HDAC9: variants seen among roughly 807,000 people sequenced by gnomAD.
The protein encoded by HDAC9 is MEF-2 interacting transcription repressor (MITR) protein.
In HDAC9, 41 loss-of-function variants were observed where a neutral mutation model predicts 139.4. The ratio of observed to expected loss-of-function variants is 0.29; its 90% CI spans 0.23 to 0.38. The LOEUF (loss-of-function observed/expected upper bound fraction) is 0.38. HDAC9 is among the 10% of genes least tolerant of loss of function. The pLI, the probability that HDAC9 is intolerant of heterozygous loss-of-function variation, is 1.00. For synonymous variants in HDAC9, 517 were observed against 476.2 expected, an observed-to-expected ratio of 1.09 and a Z score of -1.12; for missense variants, 1,147 against 1,297.0, an observed-to-expected ratio of 0.88 and a Z score of 1.78.
intron 17 of HDAC9, among the ~76,000 whole-genome samples, chr7:18,795,323 G>T (rs935820514): frequency 2.1e-5 from 3 of 145,954 alleles, no homozygotes; most frequent in African/African-American, 5.2e-5. Flanking sequence ...CTTAGTCCAG[G>T]TTCCACCACT....
At chr7:18,218,509 T>C (rs897271050) in intron 2 of HDAC9, among the ~76,000 whole-genome samples, 5 of 152,144 alleles carry the variant, frequency 3.3e-5, no homozygotes, top group African/African-American at 1.2e-4. Flanking sequence ...CTGTATTCCA[T>C]TGACCCTACT....
At chr7:18,184,125 G>A (rs189937843) in intron 2 of HDAC9, among the ~76,000 whole-genome samples, 7 of 152,260 alleles carry the variant, frequency 4.6e-5, no homozygotes, top group South Asian at 2.1e-4. Context: ...TTGGCCGGGC[G>A]CGGCAGCTCA....
chr7:18,475,680 A>T (rs1048948452), intron 1 of HDAC9, among the ~76,000 whole-genome samples: 2 of 152,224 alleles, frequency 1.3e-5, no homozygotes, highest in African/African-American at 4.8e-5. Context: ...TATTTTTAAA[A>T]CAGCTAATTG....
Position 18,829,178 on chromosome 7 carries a change from G to A in HDAC9, c.2340G>A (p.Val780=). The part of the protein sequence containing the change: ...SGELKNGFAV[V]RPPGHHAEES... Reference sequence around the variant, plus strand: ...TTTCACAGAATGGGTTTGCTGTTGTGAGGCCCCCTGGCCATCACGCTGAAG... The same window carrying A: ...TTTCACAGAATGGGTTTGCTGTTGTAAGGCCCCCTGGCCATCACGCTGAAG... Residue 780 remains valine, a synonymous_variant, in exon 18 of 26, where the codon GTG becomes GTA. Transcript: ENST00000686413. The A allele has an allele frequency of 6.2e-7, 1 of 1,613,200 alleles. No individual in the cohort carries two copies. The highest frequency in any genetic ancestry group is 1.1e-5 in the South Asian group (1 of 91,072).
intron 22 of HDAC9, among the ~76,000 whole-genome samples, chr7:18,917,137 G>C (rs1354870781): frequency 6.6e-6 from 1 of 151,962 alleles, no homozygotes; most frequent in African/African-American, 2.4e-5. Context: ...TGCTTTCAAA[G>C]CTCGCAAATA....
At chr7:18,994,253 C>T (rs376904220) in intron 25 of HDAC9, among the ~76,000 whole-genome samples, 8 of 152,256 alleles carry the variant, frequency 5.3e-5, no homozygotes, top group East Asian at 1.9e-4. Flanking sequence ...TTGGAAAAAT[C>T]GGTCTCCATT....
At chr7:18,614,379 G>T (rs898529674) in intron 6 of HDAC9, among the ~76,000 whole-genome samples, 2 of 152,004 alleles carry the variant, frequency 1.3e-5, no homozygotes, top group Admixed American at 6.6e-5. Flanking sequence ...TTGACTTTTG[G>T]GTTCAGTTCT....
chr7:18,195,632 A>G (rs937958390), intron 2 of HDAC9, among the ~76,000 whole-genome samples: 2 of 152,150 alleles, frequency 1.3e-5, no homozygotes, highest in Non-Finnish European at 2.9e-5. Context: ...TTTTGGCTCC[A>G]TGCTTCAGCC....
chr7:18,900,844 T>C (rs1801637906), intron 22 of HDAC9, among the ~76,000 whole-genome samples: 1 of 152,088 alleles, frequency 6.6e-6, no homozygotes, highest in African/African-American at 2.4e-5. Flanking sequence ...GTCTAGTGTA[T>C]AGATACCACT....
intron 1 of HDAC9, among the ~76,000 whole-genome samples, chr7:18,157,849 G>GAGAGAGAGAGAC (rs1329240003): frequency 2.1e-5 from 3 of 144,370 alleles, no homozygotes; most frequent in Non-Finnish European, 3.1e-5. Flanking sequence ...GAGAGAGAGA[G>GAGAGAGAGAGAC]AGACTGAGGA....
intron 25 of HDAC9, among the ~76,000 whole-genome samples, chr7:18,985,299 T>G (rs967703498): frequency 6.6e-6 from 1 of 151,346 alleles, no homozygotes; most frequent in Admixed American, 6.6e-5. Context: ...AATTCCCACC[T>G]ATGAGTGAGA....
rs138756341 is a variant in HDAC9 at position 18,098,605 on chromosome 7, G to T, written c.-97+11392G>T. Among the ~76,000 whole-genome samples, 319 of 152,260 alleles carry T rather than the reference G, an allele frequency of 2.1e-3. 5 individuals carry two copies. The Middle Eastern group carries it at 0.024, about 11-fold the overall frequency. On this transcript the variant is annotated intron_variant, in intron 1 of 12. Coordinates refer to the HDAC9 transcript ENST00000417496. ...TTCAGGGCGATACACACAAAAGATT[G>T]TTAACTATACTTTATGGATGAGTTA...
intron 2 of HDAC9, among the ~76,000 whole-genome samples, chr7:18,249,033 G>A (rs979176201): frequency 6.6e-6 from 1 of 152,056 alleles, no homozygotes; most frequent in South Asian, 2.1e-4. Flanking sequence ...ACTACTTTCA[G>A]CTGGAATCTT....
intron 17 of HDAC9, among the ~76,000 whole-genome samples, chr7:18,812,601 G>A (rs1794260773): frequency 6.6e-6 from 1 of 151,710 alleles, no homozygotes; most frequent in South Asian, 2.1e-4. Context: ...CTTTTTAAGA[G>A]TCTTTATGTA....
At chr7:18,528,196 C>A (rs970120644) in intron 2 of HDAC9, among the ~76,000 whole-genome samples, 1 of 149,732 alleles carries the variant, frequency 6.7e-6, no homozygotes, top group African/African-American at 2.4e-5. Flanking sequence ...ACATGGGAAG[C>A]TGAGGTGGGA....
intron 5 of HDAC9, among the ~76,000 whole-genome samples, chr7:18,592,306 A>C (rs1250732608): frequency 6.6e-6 from 1 of 152,154 alleles, no homozygotes; most frequent in Non-Finnish European, 1.5e-5. Context: ...ACAACCTGAC[A>C]ACATAATACA....
intron 2 of HDAC9, among the ~76,000 whole-genome samples, chr7:18,201,247 T>C (rs1393190026): frequency 1.3e-5 from 2 of 152,206 alleles, no homozygotes; most frequent in African/African-American, 4.8e-5. Flanking sequence ...GCTCCCCATA[T>C]GTTATATTAA....
At chr7:18,637,220 G>A (rs945242241) in intron 8 of HDAC9, among the ~76,000 whole-genome samples, 4 of 152,118 alleles carry the variant, frequency 2.6e-5, no homozygotes, top group Non-Finnish European at 5.9e-5. Flanking sequence ...ACCTTTCAGG[G>A]GGGAAGAAGG....
Position 18,332,388 on chromosome 7 carries a change from TGTGTGA to T in HDAC9, c.-42+41875_-42+41880del, listed in dbSNP as rs1284904988. Reference sequence around the variant, plus strand: ...GTGTGTGTGTGTGTGTGTGTGTGTGTGTGTGAGAGAGAGAGAGAGAGAGATTTTTAC... The same window carrying T: ...GTGTGTGTGTGTGTGTGTGTGTGTGTGAGAGAGAGAGAGAGAGATTTTTAC... On this transcript the variant is annotated intron_variant, in intron 1 of 3. Coordinates refer to the HDAC9 transcript ENST00000413509. Among the ~76,000 whole-genome samples the T allele has an allele frequency of 6.9e-3, 847 of 122,356 alleles. 9 individuals are homozygous for T. The highest frequency in any genetic ancestry group is 0.029 in the African/African-American group (790 of 27,434). 80.3% of individuals were successfully genotyped at this position (122,356 alleles called of 152,430 possible). A position where few individuals can be genotyped will look rare whatever the true frequency, so the allele number is the denominator to read the frequency against.
Sources: gnomAD v4.1 joint callset for allele counts (sites outside exome capture counted in the v4.1 genomes callset) on GRCh38, gnomAD v4.1.1 for gene constraint, MANE v1.5 for transcripts, NCBI Gene and HGNC (gene_info 2026-07-23, HGNC 2026-07-21) for gene names.